The following WDR19 variants were observed in gnomAD, a reference collection of about 807,000 sequenced individuals.
WDR19 encodes the protein WD repeat-containing protein 19.
A neutral mutation model predicts 180.0 loss-of-function variants in WDR19; 121 were observed. The ratio of observed to expected loss-of-function variants is 0.67; its 90% confidence interval spans 0.58 to 0.78. The LOEUF is 0.78. Among genes scored for constraint, WDR19 ranks in the 30% least tolerant of loss-of-function variants. The pLI is 0.00. For missense variants in WDR19, 1,450 were observed against 1,640.7 expected (o/e 0.88, Z 2.01); for synonymous variants, 497 against 540.7 (o/e 0.92, Z 1.12).
intron 26 of WDR19, 37 bp downstream of exon 26, chr4:39,254,067 T>A (rs1443962808): frequency 6.3e-7 from 1 of 1,588,652 alleles, no homozygotes; most frequent in Admixed American, 1.7e-5. Context: ...CTTCAAGATG[T>A]TTATCATAAA....
intron 28 of WDR19, 44 bp downstream of exon 28, chr4:39,257,598 A>T (rs747195904): frequency 5.9e-6 from 9 of 1,533,142 alleles, no homozygotes; most frequent in Admixed American, 2.0e-5. Context: ...CCAATTTTTT[A>T]AAAAACTTCT....
intron 9 of WDR19, among the ~76,000 whole-genome samples, chr4:39,213,912 T>C (rs1728791433): frequency 6.6e-6 from 1 of 151,994 alleles, no homozygotes; most frequent in Admixed American, 6.5e-5. Flanking sequence ...GAATCTGAAA[T>C]TATCTTAAAA....
In WDR19 at chr4:39,228,276, T is replaced by C. The variant is rs1730483471; in HGVS notation, c.1696T>C (p.Trp566Arg). Residue 566 changes from tryptophan to arginine, a missense_variant, in exon 16 of 37, where the codon TGG (tryptophan) becomes CGG (arginine). Trp to Arg is a moderately radical substitution (Grantham distance 101, BLOSUM62 -3). Transcript: ENST00000399820. The part of the protein sequence containing the change: ...PTIKGVLWEN[W>R]PMDKGVFIAY... ...CATTAAAGGTGTTCTTTGGGAAAAC[T>C]GGCCAATGGATAAAGGTGTATTTAT... The C allele has an allele frequency of 6.2e-7, 1 of 1,613,598 alleles. No homozygotes were observed. Among genetic ancestry groups the C allele is most frequent in the South Asian group, 1.1e-5 (1 of 91,032 alleles).
intron 34 of WDR19, 75 bp downstream of exon 34, chr4:39,277,218 A>G (rs968634440): frequency 6.9e-7 from 1 of 1,441,336 alleles, no homozygotes; most frequent in Non-Finnish European, 9.2e-7. Context: ...ATGTATGTCA[A>G]TATTTTCTTC....
intron 4 of WDR19, 138 bp downstream of exon 4, chr4:39,189,919 A>G: frequency 9.6e-7 from 1 of 1,042,404 alleles, no homozygotes; most frequent in Non-Finnish European, 1.3e-6. Context: ...TATTTTTATT[A>G]TTGTTACCCA....
chr4:39,277,997 A>C, intron 34 of WDR19, 134 bp from the exon 35 acceptor site: 1 of 708,328 alleles, frequency 1.4e-6, no homozygotes, highest in East Asian at 2.8e-5. Context: ...GAGGTTGCAG[A>C]CAGCCAACAA....
chr4:39,285,738 C>G lies in WDR19; in HGVS notation c.*265C>G, dbSNP rs967576577. The G allele has an allele frequency of 6.6e-6, 1 of 152,182 alleles. No homozygotes were observed. Among genetic ancestry groups the G allele is most frequent in the African/African-American group, 2.4e-5 (1 of 41,444 alleles). 9.4% of individuals were successfully genotyped at this position (152,182 alleles called of 1,614,324 possible). ...CTGCACTGTTAATAGTAACCTATGA[C>G]ATAATTGTAAATATTCAGCTTTTTG... is the stretch of plus-strand genomic sequence containing the variant. On this transcript the variant is annotated 3_prime_UTR_variant, in exon 37 of 37. Coordinates refer to ENST00000399820, the MANE Select transcript of WDR19 (RefSeq NM_025132.4).
At chr4:39,223,077 T>C (rs1729862983) in intron 14 of WDR19, among the ~76,000 whole-genome samples, 1 of 152,334 alleles carries the variant, frequency 6.6e-6, no homozygotes, top group East Asian at 1.9e-4. Context: ...TCGTATTCCA[T>C]GGTATGGATG....
chr4:39,239,131 C>T (rs1262661452), intron 20 of WDR19, among the ~76,000 whole-genome samples: 2 of 152,034 alleles, frequency 1.3e-5, no homozygotes, highest in African/African-American at 4.8e-5. Flanking sequence ...GCGCATGCCA[C>T]CACACCCGGC....
chr4:39,260,472 G>A (rs1174747735), intron 28 of WDR19, among the ~76,000 whole-genome samples: 2 of 151,502 alleles, frequency 1.3e-5, no homozygotes, highest in Non-Finnish European at 2.9e-5. Flanking sequence ...AGCAGTAGCT[G>A]AGATTACAGG....
At position 39,220,322 on chromosome 4, in the gene WDR19, C is replaced by G. The variant is rs7675543; in HGVS notation, c.1479+2217C>G. 2.7e-3 allele frequency among the ~76,000 whole-genome samples: 409 copies of G among 151,838 alleles called. 2 individuals carry two copies. The highest frequency in any genetic ancestry group is 9.4e-3 in the African/African-American group (388 of 41,442). ...CTTTCTCACATGAAATTATGATTAT[C>G]ATTATTGTTTTTTAGAGACAGGATG... On this transcript the variant is annotated intron_variant, in intron 14 of 36. Transcript: ENST00000399820.
chr4:39,194,527 A>G lies in WDR19; in HGVS notation c.291-17A>G, dbSNP rs188871434. On this transcript the variant is annotated splice_polypyrimidine_tract_variant and intron_variant, in intron 4 of 36. Coordinates refer to ENST00000399820, the MANE Select transcript of WDR19 (RefSeq NM_025132.4). ...ATGATCGTGAATTGTTTAGTAATTT[A>G]TATCTTAATGTTACAGGGATCAAAT... is the stretch of plus-strand genomic sequence containing the variant. 4 of 1,538,942 alleles carry G rather than the reference A, an allele frequency of 2.6e-6. No individual in the cohort carries two copies. In the Admixed American group the frequency reaches 5.3e-5, roughly 20 times the overall value.
At chr4:39,194,513 T>C (rs548678791) in intron 4 of WDR19, 31 bp from the exon 5 acceptor site, 10 of 1,434,336 alleles carry the variant, frequency 7.0e-6, no homozygotes, top group Middle Eastern at 1.8e-4. Context: ...TGATCGTGAA[T>C]TGTTTAGTAA....
rs1224638824 is a variant in WDR19, at chr4:39,266,155, G to C, written c.3261+15G>C. ...GCATGCCTAAGGTACTGAACACGTG[G>C]GCTTCGTGTGCATCCTCAGGTCTCA... On this transcript the variant is annotated intron_variant, in intron 29 of 36. Coordinates refer to ENST00000399820, the MANE Select transcript of WDR19 (RefSeq NM_025132.4). The C allele has an allele frequency of 1.3e-6, 2 of 1,536,490 alleles. No homozygotes were observed. Among genetic ancestry groups the C allele is most frequent in the South Asian group, 2.5e-5 (2 of 80,880 alleles).
Position 39,278,654 on chromosome 4 carries a change from G to A in WDR19, c.*4G>A. 6.2e-7 allele frequency: 1 copy of A among 1,606,374 alleles called. No individual in the cohort carries two copies. Among genetic ancestry groups the A allele is most frequent in the Non-Finnish European group, 8.5e-7 (1 of 1,174,548 alleles). ...GCGAACGGAGGAGGAACTGTGATTGGCACGTGCAGGTGAGTGGCAGAGCGC... is the reference window on the plus strand; with the variant it reads ...GCGAACGGAGGAGGAACTGTGATTGACACGTGCAGGTGAGTGGCAGAGCGC... On this transcript the variant is annotated 3_prime_UTR_variant, in exon 36 of 37. Transcript: ENST00000399820.
Position 39,182,672 on chromosome 4 carries a change from TGAG to T in WDR19, c.6+112_6+114del, listed in dbSNP as rs1468914971. The T allele has an allele frequency of 4.6e-6, 7 of 1,508,670 alleles. No individual in the cohort carries two copies. In the Admixed American group the frequency reaches 1.2e-4, roughly 25 times the overall value. 93.5% of individuals were successfully genotyped at this position (1,508,670 alleles called of 1,614,324 possible). A position where few individuals can be genotyped will look rare whatever the true frequency, so the allele number is the denominator to read the frequency against. ...CTCTCCCTTCTGAGTTCGTTGGAAA[TGAG>T]GAAGAGAGAGAGAGAGAGAGGTGGC... On this transcript the variant is annotated intron_variant, in intron 1 of 36. Coordinates refer to ENST00000399820, the MANE Select transcript of WDR19 (RefSeq NM_025132.4).
rs3733280 is a variant in WDR19 at position 39,269,921 on chromosome 4, A to G, written c.3359-55A>G. 0.32 allele frequency: 508,902 copies of G among 1,588,300 alleles called. 82,728 individuals are homozygous for G. The highest frequency in any genetic ancestry group is 0.35 in the Middle Eastern group (2,048 of 5,918). On this transcript the variant is annotated intron_variant, in intron 30 of 36. Coordinates refer to ENST00000399820, the MANE Select transcript of WDR19 (RefSeq NM_025132.4). ...CCACTAGTAAGATGGGGGTCCATAGAATGTCCTCAGATGTCACCCTTTGCA... is the reference window on the plus strand; with the variant it reads ...CCACTAGTAAGATGGGGGTCCATAGGATGTCCTCAGATGTCACCCTTTGCA...
At position 39,270,159 on chromosome 4, in the gene WDR19, T is replaced by A. The variant is rs538207256; in HGVS notation, c.3483+59T>A. 3 of 1,600,104 alleles carry A rather than the reference T, an allele frequency of 1.9e-6. No homozygotes were observed. The African/African-American group carries it at 4.0e-5, about 21-fold the overall frequency. The stretch of plus-strand genomic sequence containing the variant: ...GCCAGGTGTTTGTCCCCCATTGAGA[T>A]TTTCTCCAGGCCCTTCTCCATTGGA... On this transcript the variant is annotated intron_variant, in intron 31 of 36. Transcript: ENST00000399820.
At chr4:39,202,898 T>C (rs1190629201) in intron 6 of WDR19, among the ~76,000 whole-genome samples, 2 of 152,156 alleles carry the variant, frequency 1.3e-5, no homozygotes, top group East Asian at 1.9e-4. Flanking sequence ...GCAAAGTTTA[T>C]GTGTGGAAAT....
Sources: allele counts gnomAD v4.1 joint callset (sites outside exome capture counted in the v4.1 genomes callset), GRCh38; gene constraint gnomAD v4.1.1; transcripts MANE v1.5; gene names NCBI Gene and HGNC (gene_info 2026-07-23, HGNC 2026-07-21).